The following SDC2 variants were observed in gnomAD, a reference collection of about 807,000 sequenced individuals.
SDC2 encodes the protein syndecan 2, also known as syndecan-2.
Under a neutral mutation model 22.2 loss-of-function variants are expected in SDC2, and 13 were observed. The observed-to-expected ratio is 0.59, with a 90% confidence interval of 0.38 to 0.93. The LOEUF is 0.93. SDC2 is among the 40% of genes least tolerant of loss of function. The pLI, the probability that SDC2 is intolerant of heterozygous loss-of-function variation, is 0.00. For synonymous variants in SDC2, 94 were observed against 92.8 expected, an observed-to-expected ratio of 1.01 and a Z score of -0.07; for missense variants, 235 against 246.8, an observed-to-expected ratio of 0.95 and a Z score of 0.32.
intron 1 of SDC2, among the ~76,000 whole-genome samples, chr8:96,508,094 A>T (rs992510466): frequency 3.3e-5 from 5 of 152,168 alleles, no homozygotes; most frequent in African/African-American, 1.2e-4. Context: ...CAGGAGATCA[A>T]GACCATCTTG....
chr8:96,502,335 G>A (rs755224045), intron 1 of SDC2, among the ~76,000 whole-genome samples: 10 of 152,064 alleles, frequency 6.6e-5, no homozygotes, highest in Non-Finnish European at 1.0e-4. Flanking sequence ...TGAAATATGG[G>A]GATTATTACA....
chr8:96,546,138 A>C (rs934643639), intron 1 of SDC2, among the ~76,000 whole-genome samples: 1 of 152,228 alleles, frequency 6.6e-6, no homozygotes, highest in Non-Finnish European at 1.5e-5. Context: ...AGCCTCCTTA[A>C]TCCACCCCTC....
At chr8:96,496,815 A>T (rs748651914) in intron 1 of SDC2, among the ~76,000 whole-genome samples, 1 of 152,220 alleles carries the variant, frequency 6.6e-6, no homozygotes, top group African/African-American at 2.4e-5. Context: ...AAAACTGCCT[A>T]TGAAAAGGAA....
At position 96,585,853 on chromosome 8, in the gene SDC2, GTTTTTTT is replaced by G. The variant is rs199970598; in HGVS notation, c.61-7608_61-7602del. The stretch of plus-strand genomic sequence containing the variant: ...GTGCCAAGTAATCCTCTGGCAAGAG[GTTTTTTT>G]TTTTTTTTTTTTTTTTTTGGTTGGT... On this transcript the variant is annotated intron_variant, in intron 1 of 4. Transcript: ENST00000302190. Among the ~76,000 whole-genome samples, 40 of 145,484 alleles carry G rather than the reference GTTTTTTT, an allele frequency of 2.7e-4. No individual in the cohort carries two copies. In the South Asian group the frequency reaches 8.8e-3, roughly 32 times the overall value.
rs1563667830 is a variant in SDC2 at position 96,576,390 on chromosome 8, TTTTACCAGATTTGCTTTATTATTCTC to T, written c.61-17086_61-17061del. Among the ~76,000 whole-genome samples, 145 of 100,290 alleles carry T rather than the reference TTTTACCAGATTTGCTTTATTATTCTC, an allele frequency of 1.4e-3. 15 individuals are homozygous for T. The highest frequency in any genetic ancestry group is 5.6e-3 in the African/African-American group (139 of 24,918). The allele number at this position is 100,290 out of a possible 152,430, so 65.8% of individuals were successfully genotyped here. On this transcript the variant is annotated intron_variant, in intron 1 of 4. Transcript: ENST00000302190. Reference sequence around the variant, plus strand: ...TTTGTTTTTGTTTTGTTTTGTTTTTTTTTACCAGATTTGCTTTATTATTCTCTTTTTTTTTTTTTTTTTTTTTGAGA... The same window carrying T: ...TTTGTTTTTGTTTTGTTTTGTTTTTTTTTTTTTTTTTTTTTTTTTTTGAGA...
intron 2 of SDC2, among the ~76,000 whole-genome samples, chr8:96,601,528 C>T (rs1322418393): frequency 6.6e-6 from 1 of 150,438 alleles, no homozygotes; most frequent in Non-Finnish European, 1.5e-5. Context: ...GTAGTCCCAG[C>T]TACTCGGGAG....
intron 1 of SDC2, among the ~76,000 whole-genome samples, chr8:96,525,034 CAAT>C (rs758214069): frequency 1.0e-3 from 154 of 152,146 alleles, no homozygotes; most frequent in Admixed American, 2.8e-3. Flanking sequence ...AATTGGGTCA[CAAT>C]AATGTAAAAT....
chr8:96,581,117 C>A (rs1814581778), intron 1 of SDC2, among the ~76,000 whole-genome samples: 1 of 152,186 alleles, frequency 6.6e-6, no homozygotes, highest in African/African-American at 2.4e-5. Context: ...ATGGTACTTA[C>A]ACATGTGTGT....
At chr8:96,565,084 A>ATTTTGTTTTTTTTTTTTTT (rs1814274003) in intron 1 of SDC2, among the ~76,000 whole-genome samples, 1 of 67,800 alleles carries the variant, frequency 1.5e-5, no homozygotes, top group Non-Finnish European at 2.9e-5. Context: ...CCTAAATTTG[A>ATTTTGTTTTTTTTTTTTTT]TTTTTTTTTT....
chr8:96,528,802 A>G (rs1021305488), intron 1 of SDC2, among the ~76,000 whole-genome samples: 1 of 152,198 alleles, frequency 6.6e-6, no homozygotes, highest in African/African-American at 2.4e-5. Context: ...TGTGAAGGGG[A>G]TTTATGATCC....
At chr8:96,494,563 A>C (rs1586262198) in intron 1 of SDC2, among the ~76,000 whole-genome samples, 1 of 152,096 alleles carries the variant, frequency 6.6e-6, no homozygotes, top group Non-Finnish European at 1.5e-5. Flanking sequence ...GGGCACCGAG[A>C]ATTGCGGTTT....
intron 1 of SDC2, among the ~76,000 whole-genome samples, chr8:96,548,582 G>A (rs1316014039): frequency 2.0e-5 from 3 of 152,198 alleles, no homozygotes; most frequent in African/African-American, 7.2e-5. Flanking sequence ...TCTGCAGACA[G>A]GAGTGAGCAA....
chr8:96,558,978 G>A (rs575323922), intron 1 of SDC2, among the ~76,000 whole-genome samples: 1 of 152,238 alleles, frequency 6.6e-6, no homozygotes, highest in South Asian at 2.1e-4. Flanking sequence ...TTATTTCATG[G>A]ATTGCCAGTG....
At chr8:96,570,525 GA>G (rs1814375844) in intron 1 of SDC2, among the ~76,000 whole-genome samples, 1 of 152,084 alleles carries the variant, frequency 6.6e-6, no homozygotes, top group Middle Eastern at 3.4e-3. Context: ...GACTTACAAA[GA>G]AAAAAATAAT....
intron 1 of SDC2, among the ~76,000 whole-genome samples, chr8:96,569,036 G>A (rs2130578206): frequency 6.6e-6 from 1 of 152,246 alleles, no homozygotes; most frequent in East Asian, 1.9e-4. Context: ...TTGAAACAAG[G>A]TCTTGCTGTT....
At chr8:96,533,997 C>T (rs922935693) in intron 1 of SDC2, among the ~76,000 whole-genome samples, 9 of 152,176 alleles carry the variant, frequency 5.9e-5, no homozygotes, top group East Asian at 3.9e-4. Flanking sequence ...AGTGCAGTGC[C>T]GGCGGGCCAG....
At chr8:96,514,231 A>G (rs1813369761) in intron 1 of SDC2, among the ~76,000 whole-genome samples, 1 of 152,178 alleles carries the variant, frequency 6.6e-6, no homozygotes, top group African/African-American at 2.4e-5. Flanking sequence ...AGAATGGCAC[A>G]CTTGACTATC....
At chr8:96,520,843 A>G (rs2575737) in intron 1 of SDC2, among the ~76,000 whole-genome samples, 8,048 of 152,220 alleles carry the variant, frequency 0.053, 677 homozygotes, top group African/African-American at 0.18. Flanking sequence ...GGGGAACCTC[A>G]GGGCTGTCTT....
chr8:96,598,331 A>G (rs1177115224), intron 2 of SDC2, among the ~76,000 whole-genome samples: 2 of 152,228 alleles, frequency 1.3e-5, no homozygotes, highest in African/African-American at 2.4e-5. Context: ...TTTTTAAAAA[A>G]GAAAATAAGG....
Sources: gnomAD v4.1 joint callset for allele counts (sites outside exome capture counted in the v4.1 genomes callset) on GRCh38, gnomAD v4.1.1 for gene constraint, MANE v1.5 for transcripts, NCBI Gene and HGNC (gene_info 2026-07-23, HGNC 2026-07-21) for gene names.